TSPEAR: variants seen among roughly 807,000 people sequenced by gnomAD.
TSPEAR encodes thrombospondin type laminin G domain and EAR repeats.
Under a neutral mutation model 71.6 loss-of-function variants are expected in TSPEAR, and 69 were observed. The observed-to-expected ratio is 0.96, with a 90% CI of 0.79 to 1.18. The LOEUF (loss-of-function observed/expected upper bound fraction) is 1.18, where lower values mean the gene tolerates loss of function less well. TSPEAR is among the 50% of genes most tolerant of loss of function. The pLI is 0.00. For missense variants in TSPEAR, 971 were observed against 894.9 expected, an observed-to-expected ratio of 1.09 and a Z score of -1.09; for synonymous variants, 402 against 387.2, an observed-to-expected ratio of 1.04 and a Z score of -0.45.
intron 1 of TSPEAR, among the ~76,000 whole-genome samples, chr21:44,629,423 G>A (rs782456534): frequency 5.3e-5 from 8 of 152,306 alleles, no homozygotes; most frequent in Non-Finnish European, 7.3e-5. Context: ...GTGTCCTTAC[G>A]GGGCTGTCCC....
chr21:44,630,203 G>A (rs900575820), intron 1 of TSPEAR, among the ~76,000 whole-genome samples: 4 of 152,186 alleles, frequency 2.6e-5, no homozygotes, highest in Admixed American at 2.0e-4. Context: ...AAATGTGAAG[G>A]TAAATAATTT....
intron 1 of TSPEAR, chr21:44,573,723 T>G (rs782704386): frequency 6.3e-7 from 1 of 1,588,080 alleles, no homozygotes; most frequent in South Asian, 1.2e-5. Context: ...CCCTCCCATC[T>G]CCCCCAGCTC....
At chr21:44,589,174 TA>T (rs1232024066) in intron 1 of TSPEAR, among the ~76,000 whole-genome samples, 4 of 152,120 alleles carry the variant, frequency 2.6e-5, no homozygotes, top group Non-Finnish European at 4.4e-5. Context: ...AAATAAAAAA[TA>T]AAAAACCAAA....
rs1333823842 is a variant in TSPEAR at position 44,580,072 on chromosome 21, C to T, written c.83-12067G>A. ...AACAGACAGGCACGTAGCAGGACTG[C>T]TGGCAGGGGGAGGAGGTGCAGCAAG... On this transcript the variant is annotated intron_variant, in intron 1 of 11. Coordinates refer to ENST00000323084, the MANE Select transcript of TSPEAR (RefSeq NM_144991.3). 7 of 1,613,394 alleles carry T rather than the reference C, an allele frequency of 4.3e-6. No homozygotes were observed. The Admixed American group carries it at 5.0e-5, about 12-fold the overall frequency.
Position 44,504,814 on chromosome 21 carries a change from C to A in TSPEAR, c.1822G>T (p.Gly608Trp). 6.2e-7 allele frequency: 1 copy of A among 1,613,934 alleles called. No individual in the cohort carries two copies. Residue 608 changes from glycine (G) to tryptophan (W), a missense_variant, in exon 11 of 12, where the codon GGG becomes TGG. Transcript: ENST00000323084. Reference sequence around the variant, plus strand: ...ATACTGTTCACCGAGAAGGTACGCCCATCGAAGGAGTTGGCCACCACCAGG... The same window carrying A: ...ATACTGTTCACCGAGAAGGTACGCCAATCGAAGGAGTTGGCCACCACCAGG... ...YFLVVANSFD[G>W]RTFSVNSIIY... is the part of the protein sequence containing the mutation.
At position 44,499,014 on chromosome 21, in the gene TSPEAR, G is replaced by C. The variant is rs949385976; in HGVS notation, c.*769C>G. On this transcript the variant is annotated 3_prime_UTR_variant, in exon 12 of 12. Transcript: ENST00000323084. ...TAGGACAGCCAGCACACAGGCAGAC[G>C]GAGGCACGCAGCCTGAGTCCCAGTC... 5 of 152,278 alleles carry C rather than the reference G, an allele frequency of 3.3e-5. No individual in the cohort carries two copies. The highest frequency in any genetic ancestry group is 7.3e-5 in the Non-Finnish European group (5 of 68,070). 9.4% of individuals were successfully genotyped at this position (152,278 alleles called of 1,614,324 possible). A position where few individuals can be genotyped will look rare whatever the true frequency, so the allele number is the denominator to read the frequency against.
At chr21:44,639,074 C>A (rs1201559841) in intron 1 of TSPEAR, among the ~76,000 whole-genome samples, 1 of 152,202 alleles carries the variant, frequency 6.6e-6, no homozygotes, top group Non-Finnish European at 1.5e-5. Flanking sequence ...TGGGCAGGGA[C>A]CATGGCACCC....
chr21:44,574,985 A>T (rs781901942), intron 1 of TSPEAR: 2 of 1,610,702 alleles, frequency 1.2e-6, no homozygotes, highest in Admixed American at 1.7e-5. Flanking sequence ...GCTCCCGCCC[A>T]GCCTGCTGAG....
chr21:44,569,276 G>A (rs587636345), intron 1 of TSPEAR, among the ~76,000 whole-genome samples: 2 of 152,328 alleles, frequency 1.3e-5, no homozygotes, highest in East Asian at 1.9e-4. Context: ...AGGGTGTGAT[G>A]GGCACTTCTT....
chr21:44,655,591 C>T (rs140305861), intron 1 of TSPEAR, among the ~76,000 whole-genome samples: 1 of 152,346 alleles, frequency 6.6e-6, no homozygotes, highest in East Asian at 1.9e-4. Context: ...CTCTCCCTCG[C>T]TGTGGGTCTG....
intron 1 of TSPEAR, among the ~76,000 whole-genome samples, chr21:44,584,954 C>A (rs1268267213): frequency 5.9e-5 from 9 of 152,178 alleles, no homozygotes; most frequent in Non-Finnish European, 1.0e-4. Context: ...CTTTCTTTTA[C>A]ATAAAAACAA....
chr21:44,592,958 T>A (rs1158658448), intron 1 of TSPEAR, among the ~76,000 whole-genome samples: 1 of 152,132 alleles, frequency 6.6e-6, no homozygotes, highest in Non-Finnish European at 1.5e-5. Flanking sequence ...TTCATTGACC[T>A]GCCCTGGGCC....
At position 44,509,541 on chromosome 21, in the gene TSPEAR, G is replaced by A. The variant is rs141626498; in HGVS notation, c.1567-155C>T. Reference sequence around the variant, plus strand: ...GGCGCAGAGGTGTGGGTGAGCGGGCGCAGAGGTGTGGGTGAGCGGGCGCAG... The same window carrying A: ...GGCGCAGAGGTGTGGGTGAGCGGGCACAGAGGTGTGGGTGAGCGGGCGCAG... On this transcript the variant is annotated intron_variant, in intron 9 of 11. Transcript: ENST00000323084. 2.2e-3 allele frequency: 1,314 copies of A among 588,304 alleles called. 27 individuals are homozygous for A. Among genetic ancestry groups the A allele is most frequent in the African/African-American group, 0.022 (1,119 of 50,640 alleles). The allele number at this position is 588,304 out of a possible 1,614,324, so 36.4% of individuals were successfully genotyped here.
At chr21:44,703,577 T>C (rs948603080) in intron 1 of TSPEAR, among the ~76,000 whole-genome samples, 3 of 152,120 alleles carry the variant, frequency 2.0e-5, no homozygotes, top group Non-Finnish European at 2.9e-5. Flanking sequence ...GGCCTCCCTC[T>C]CCCCGGGAGC....
At chr21:44,511,346 T>G (rs1296061277) in intron 9 of TSPEAR, among the ~76,000 whole-genome samples, 1 of 151,912 alleles carries the variant, frequency 6.6e-6, no homozygotes, top group African/African-American at 2.4e-5. Context: ...CACACAAACA[T>G]GCATATGCAC....
At chr21:44,677,337 G>C (rs1986363583) in intron 1 of TSPEAR, 1 of 1,352,084 alleles carries the variant, frequency 7.4e-7, no homozygotes, top group Non-Finnish European at 1.0e-6. Context: ...CTCAATCTCA[G>C]AATTGTCCAT....
rs781902511 is a variant in TSPEAR, at chr21:44,600,685, C to A, written c.83-32680G>T. 36 of 1,613,666 alleles carry A rather than the reference C, an allele frequency of 2.2e-5. No individual in the cohort carries two copies. The East Asian group carries it at 7.8e-4, about 35-fold the overall frequency. On this transcript the variant is annotated intron_variant, in intron 1 of 11. Transcript: ENST00000323084. Reference sequence around the variant, plus strand: ...GAGCTACGGCAGCCGCGTCTGCCTTCCTGGTTCCTGTGACTCTTGCTCCGA... The same window carrying A: ...GAGCTACGGCAGCCGCGTCTGCCTTACTGGTTCCTGTGACTCTTGCTCCGA...
At chr21:44,702,512 G>A (rs1336892559) in intron 1 of TSPEAR, 2 of 1,608,668 alleles carry the variant, frequency 1.2e-6, no homozygotes, top group Non-Finnish European at 1.7e-6. Flanking sequence ...AAGCCCGTCT[G>A]CTGTGTGCCT....
chr21:44,527,476 G>C lies in TSPEAR; in HGVS notation c.965C>G (p.Ser322Cys). Residue 322 changes from serine (S) to cysteine (C), a missense_variant, in exon 7 of 12, where the codon TCC (serine) becomes TGC (cysteine). Physicochemically the swap from Ser to Cys is moderately radical, Grantham distance 112. Transcript: ENST00000323084. ...LDYVEEHQNL[S>C]TNSETLGIEV... ...AATGCCCAGGGTCTCTGAGTTGGTG[G>C]ACAAGTTCTGATGCTCCTCCACGTA... is the stretch of plus-strand genomic sequence containing the variant. The C allele has an allele frequency of 6.2e-7, 1 of 1,614,222 alleles. No homozygotes were observed. The highest frequency in any genetic ancestry group is 8.5e-7 in the Non-Finnish European group (1 of 1,180,048).
Sources: allele counts gnomAD v4.1 joint callset (sites outside exome capture counted in the v4.1 genomes callset), GRCh38; gene constraint gnomAD v4.1.1; transcripts MANE v1.5; gene names NCBI Gene and HGNC (gene_info 2026-07-23, HGNC 2026-07-21).